EML6: variants seen among roughly 807,000 people sequenced by gnomAD.
EML6 encodes the protein echinoderm microtubule-associated protein-like 6.
EML6 carries 154 observed loss-of-function variants against 240.1 expected under a neutral mutation model. The observed-to-expected ratio is 0.64, with a 90% CI of 0.56 to 0.73. EML6 has a LOEUF of 0.73. Among genes scored for constraint, EML6 ranks in the 30% least tolerant of loss-of-function variants. The pLI is 0.00. For synonymous variants in EML6, 1,148 were observed against 899.0 expected, an observed-to-expected ratio of 1.28 and a Z score of -4.95; for missense variants, 2,964 against 2,474.6, an observed-to-expected ratio of 1.20 and a Z score of -4.20.
At chr2:54,951,235 A>G (rs1437663500) in intron 30 of EML6, among the ~76,000 whole-genome samples, 3 of 152,330 alleles carry the variant, frequency 2.0e-5, no homozygotes, top group East Asian at 1.9e-4. Flanking sequence ...CAATTAAACA[A>G]TAAACAAAAA....
chr2:54,818,022 C>CAT (rs10685967), intron 4 of EML6, among the ~76,000 whole-genome samples: 93,069 of 151,486 alleles, frequency 0.61, 30,302 homozygotes, highest in Middle Eastern at 0.8. Flanking sequence ...GACTTCACGG[C>CAT]ATATATATAC....
chr2:54,816,472 A>G (rs1170816492), intron 3 of EML6, among the ~76,000 whole-genome samples: 1 of 152,218 alleles, frequency 6.6e-6, no homozygotes, highest in African/African-American at 2.4e-5. Context: ...TAAAAATTCC[A>G]AATGCTGCTA....
chr2:54,969,514 G>A (rs982354142), intron 41 of EML6, among the ~76,000 whole-genome samples: 7 of 152,268 alleles, frequency 4.6e-5, no homozygotes, highest in South Asian at 2.1e-4. Context: ...AGATAGTACC[G>A]CCAGCAGCTC....
In EML6 at chr2:54,896,418, G is replaced by A. The variant is rs114293324; in HGVS notation, c.2982+1018G>A. The stretch of plus-strand genomic sequence containing the variant: ...GTCTTCCCTCAAAAGTCATATTTAG[G>A]TAAAATTGAACTAAAATAAATGTAA... On this transcript the variant is annotated intron_variant, in intron 21 of 41. Coordinates refer to ENST00000356458, the MANE Select transcript of EML6 (RefSeq NM_001039753.4). Among the ~76,000 whole-genome samples the A allele has an allele frequency of 5.1e-3, 780 of 152,192 alleles. 4 individuals are homozygous for A. Among genetic ancestry groups the A allele is most frequent in the Non-Finnish European group, 8.5e-3 (575 of 68,006 alleles).
At chr2:54,831,236 C>T (rs566006264) in intron 7 of EML6, among the ~76,000 whole-genome samples, 8 of 152,232 alleles carry the variant, frequency 5.3e-5, no homozygotes, top group African/African-American at 1.9e-4. Flanking sequence ...GAGTACCAAC[C>T]AGGATTCATG....
intron 7 of EML6, among the ~76,000 whole-genome samples, chr2:54,842,010 T>TATCAATAG (rs1669486036): frequency 6.6e-6 from 1 of 152,094 alleles, no homozygotes; most frequent in Non-Finnish European, 1.5e-5. Flanking sequence ...ATAGCTTCCC[T>TATCAATAG]CACTATCAAT....
intron 26 of EML6, 39 bp downstream of exon 26, chr2:54,916,974 CCTT>C (rs1388746637): frequency 2.1e-6 from 3 of 1,412,838 alleles, no homozygotes; most frequent in Non-Finnish European, 1.9e-6. Flanking sequence ...TGCTCAGTCT[CCTT>C]AATAACCTTA....
At chr2:54,855,713 C>A (rs567924990) in intron 11 of EML6, among the ~76,000 whole-genome samples, 1 of 152,256 alleles carries the variant, frequency 6.6e-6, no homozygotes, top group Admixed American at 6.5e-5. Flanking sequence ...GTCCTCATAG[C>A]AAATGGACTT....
At chr2:54,958,877 A>G (rs577534795) in intron 33 of EML6, among the ~76,000 whole-genome samples, 9 of 152,128 alleles carry the variant, frequency 5.9e-5, no homozygotes, top group Admixed American at 5.2e-4. Flanking sequence ...AGGGGAAGTC[A>G]GATGCCCAAG....
intron 15 of EML6, among the ~76,000 whole-genome samples, chr2:54,870,183 C>T (rs1671177775): frequency 6.6e-6 from 1 of 152,186 alleles, no homozygotes; most frequent in Non-Finnish European, 1.5e-5. Flanking sequence ...TTTCCTGAGA[C>T]TCGACCTGCA....
At chr2:54,846,794 A>T (rs1002610895) in intron 8 of EML6, among the ~76,000 whole-genome samples, 1 of 151,446 alleles carries the variant, frequency 6.6e-6, no homozygotes, top group Non-Finnish European at 1.5e-5. Flanking sequence ...CATACTTTTT[A>T]AAAAGCTAAT....
intron 26 of EML6, among the ~76,000 whole-genome samples, chr2:54,917,598 T>A (rs1303403488): frequency 1.3e-5 from 2 of 152,166 alleles, no homozygotes; most frequent in Non-Finnish European, 2.9e-5. Context: ...CCTGACTTTG[T>A]GATCCACCCG....
At chr2:54,896,644 C>G (rs1042772423) in intron 21 of EML6, among the ~76,000 whole-genome samples, 1 of 152,160 alleles carries the variant, frequency 6.6e-6, no homozygotes, top group African/African-American at 2.4e-5. Flanking sequence ...TATGAGCAGT[C>G]AGAACTTCCA....
chr2:54,884,665 G>A (rs1672024954), intron 17 of EML6, among the ~76,000 whole-genome samples: 1 of 152,174 alleles, frequency 6.6e-6, no homozygotes, highest in Non-Finnish European at 1.5e-5. Flanking sequence ...TATGTATTTT[G>A]TAATATCACA....
At chr2:54,775,848 A>G (rs1052300294) in intron 2 of EML6, among the ~76,000 whole-genome samples, 1 of 151,998 alleles carries the variant, frequency 6.6e-6, no homozygotes, top group African/African-American at 2.4e-5. Flanking sequence ...AAATTATAGA[A>G]TTTTCTCTTT....
chr2:54,784,249 A>G (rs1668979637), intron 2 of EML6, among the ~76,000 whole-genome samples: 1 of 152,152 alleles, frequency 6.6e-6, no homozygotes, highest in Admixed American at 6.6e-5. Flanking sequence ...CCTGGCCTGA[A>G]CTGTTCTTTA....
At chr2:54,852,979 C>T (rs183773553) in intron 10 of EML6, among the ~76,000 whole-genome samples, 151 of 152,258 alleles carry the variant, frequency 9.9e-4, no homozygotes, top group African/African-American at 3.3e-3. Context: ...GCACAACGGT[C>T]GGGATTATTT....
intron 25 of EML6, among the ~76,000 whole-genome samples, 190 bp downstream of exon 25, chr2:54,911,232 G>A (rs1673621801): frequency 6.6e-6 from 1 of 152,132 alleles, no homozygotes; most frequent in African/African-American, 2.4e-5. Flanking sequence ...TCACACCACT[G>A]GTGTAGCAAT....
At chr2:54,860,596 G>A (rs993010747) in intron 12 of EML6, among the ~76,000 whole-genome samples, 14 of 152,192 alleles carry the variant, frequency 9.2e-5, no homozygotes, top group African/African-American at 3.4e-4. Flanking sequence ...TACTCTGGAA[G>A]GAGTTTGTCC....
Sources: allele counts gnomAD v4.1 joint callset (sites outside exome capture counted in the v4.1 genomes callset), GRCh38; gene constraint gnomAD v4.1.1; transcripts MANE v1.5; gene names NCBI Gene and HGNC (gene_info 2026-07-23, HGNC 2026-07-21).